Variants in MRPL37 observed in about 807,000 individuals in gnomAD.
MRPL37 encodes the protein mitochondrial ribosomal protein L37.
A neutral mutation model predicts 44.1 loss-of-function variants in MRPL37; 34 were observed. That is an observed-to-expected ratio of 0.77 (90% confidence interval 0.59 to 1.03). The LOEUF (loss-of-function observed/expected upper bound fraction) is 1.03, where lower values mean the gene tolerates loss of function less well. Ranked by LOEUF, MRPL37 falls within the 50% of genes least tolerant of loss-of-function variation. MRPL37 has a pLI of 0.00. For synonymous variants in MRPL37, 212 were observed against 219.5 expected (o/e 0.97, Z 0.30); for missense variants, 532 against 543.7 (o/e 0.98, Z 0.21).
chr1:54,205,535 C>A (rs17110097), intron 3 of MRPL37, 125 bp downstream of exon 3: 43 of 763,162 alleles, frequency 5.6e-5, no homozygotes, highest in Non-Finnish European at 9.1e-5. Flanking sequence ...TTCGTGGTCT[C>A]GTTTTGTAGG....
rs753438955 is a variant in MRPL37 at position 54,216,306 on chromosome 1, T to C, written c.1156T>C (p.Phe386Leu). The stretch of plus-strand genomic sequence containing the variant: ...CTCAGACCAGCTCCTCTATCAGCAT[T>C]TTTGGTGTCTCCCAGTGATCAAAAA... ...VDSDQLLYQH[F>L]WCLPVIKKRV... Residue 386 changes from phenylalanine to leucine, a missense_variant, in exon 6 of 7, where the codon TTT (phenylalanine) becomes CTT (leucine). Transcript: ENST00000360840. The C allele has an allele frequency of 6.2e-7, 1 of 1,614,066 alleles. No individual in the cohort carries two copies. The highest frequency in any genetic ancestry group is 1.1e-5 in the South Asian group (1 of 91,076).
At chr1:54,222,724 C>T (rs995381022), downstream of MRPL37, among the ~76,000 whole-genome samples, 7 of 152,164 alleles carry the variant, frequency 4.6e-5, no homozygotes, top group African/African-American at 1.7e-4. Flanking sequence ...TAAAGACCCT[C>T]TAAATGGCAA....
At chr1:54,215,314 T>G (rs770701526) in intron 5 of MRPL37, among the ~76,000 whole-genome samples, 1 of 152,164 alleles carries the variant, frequency 6.6e-6, no homozygotes, top group Non-Finnish European at 1.5e-5. Flanking sequence ...CCTTATCTGT[T>G]AGTGGGAATA....
downstream of MRPL37, among the ~76,000 whole-genome samples, chr1:54,219,590 GC>G (rs1318343720): frequency 3.9e-5 from 6 of 152,170 alleles, no homozygotes; most frequent in Non-Finnish European, 8.8e-5. Flanking sequence ...GGTACTCTGA[GC>G]CCTGCTGCCC....
Position 54,210,836 on chromosome 1 carries a change from C to A in MRPL37, c.832+705C>A, listed in dbSNP as rs553759162. ...TATTTTCTCTCTGGTCCATCTAGTT[C>A]ATAATTCCAGAGTAGCCTTTCCCCA... On this transcript the variant is annotated intron_variant, in intron 4 of 6. Coordinates refer to ENST00000360840, the MANE Select transcript of MRPL37 (RefSeq NM_016491.4). 2.0e-5 allele frequency among the ~76,000 whole-genome samples: 3 copies of A among 152,294 alleles called. No individual in the cohort carries two copies. In the South Asian group the frequency reaches 6.2e-4, roughly 32 times the overall value.
At chr1:54,203,467 C>CTTTTT (rs780467512) in intron 1 of MRPL37, among the ~76,000 whole-genome samples, 50 of 98,866 alleles carry the variant, frequency 5.1e-4, no homozygotes, top group Non-Finnish European at 7.7e-4. Flanking sequence ...ACTTCATTTA[C>CTTTTT]TTTTTTTTTT....
At chr1:54,213,320 C>T (rs1644177176) in intron 5 of MRPL37, among the ~76,000 whole-genome samples, 1 of 152,232 alleles carries the variant, frequency 6.6e-6, no homozygotes, top group South Asian at 2.1e-4. Flanking sequence ...GCCTGGGACA[C>T]CAGATCCCTG....
chr1:54,216,165 C>G lies in MRPL37; in HGVS notation c.1015C>G (p.Pro339Ala). The G allele has an allele frequency of 1.9e-6, 3 of 1,614,248 alleles. No homozygotes were observed. Among genetic ancestry groups the G allele is most frequent in the Non-Finnish European group, 2.5e-6 (3 of 1,180,046 alleles). Residue 339 changes from proline to alanine, a missense_variant, in exon 6 of 7, where the codon CCC becomes GCC. By Grantham distance (27) the Pro-to-Ala change is conservative. Coordinates refer to ENST00000360840, the MANE Select transcript of MRPL37 (RefSeq NM_016491.4). Reference protein sequence around the residue: ...YGNDAKVLEQPVVVQSVGTDG... With the variant: ...YGNDAKVLEQAVVVQSVGTDG... ...GAATGATGCCAAGGTCTTGGAGCAG[C>G]CCGTGGTGGTGCAGAGCGTGGGCAC... is the stretch of plus-strand genomic sequence containing the variant.
chr1:54,213,932 C>T (rs1239862487), intron 5 of MRPL37, among the ~76,000 whole-genome samples: 1 of 152,180 alleles, frequency 6.6e-6, no homozygotes, highest in Non-Finnish European at 1.5e-5. Context: ...CCTGTAATCC[C>T]AGCACTTTGG....
intron 3 of MRPL37, among the ~76,000 whole-genome samples, chr1:54,208,188 C>A (rs534389216): frequency 6.6e-6 from 1 of 152,272 alleles, no homozygotes; most frequent in Admixed American, 6.5e-5. Context: ...GTTTGACTGG[C>A]TAGGGTTTTC....
At chr1:54,210,398 T>A (rs1342570944) in intron 4 of MRPL37, among the ~76,000 whole-genome samples, 1 of 152,100 alleles carries the variant, frequency 6.6e-6, no homozygotes, top group Admixed American at 6.5e-5. Context: ...TACATCAGAG[T>A]GGCTTGAGGG....
At chr1:54,225,301 A>C (rs1381121960), downstream of MRPL37, 91 of 1,234,132 alleles carry the variant, frequency 7.4e-5, no homozygotes, top group Non-Finnish European at 8.7e-5. Flanking sequence ...CAGGAAAAGA[A>C]GGCAGACGCC....
chr1:54,225,353 G>A, downstream of MRPL37: 1 of 1,234,046 alleles, frequency 8.1e-7, no homozygotes, highest in Non-Finnish European at 1.0e-6. Context: ...AACAAAAACT[G>A]TGCCCAAGAA....
At chr1:54,203,467 CTTTTTTT>C (rs780467512) in intron 1 of MRPL37, among the ~76,000 whole-genome samples, 46 of 98,882 alleles carry the variant, frequency 4.7e-4, no homozygotes, top group South Asian at 6.3e-4. Context: ...ACTTCATTTA[CTTTTTTT>C]TTTTTTTTTT....
intron 5 of MRPL37, 117 bp from the exon 6 acceptor site, chr1:54,216,024 C>G (rs1644194395): frequency 1.9e-6 from 2 of 1,029,756 alleles, no homozygotes; most frequent in Admixed American, 1.9e-5. Flanking sequence ...CAAAGAGAAG[C>G]CATTCAGTGG....
Position 54,205,527 on chromosome 1 carries a change from C to T in MRPL37, c.646+117C>T, listed in dbSNP as rs186521649. ...AATACCGATCCTTACTCCCATCATT[C>T]GTGGTCTCGTTTTGTAGGCTCAGAC... On this transcript the variant is annotated intron_variant, in intron 3 of 6. Transcript: ENST00000360840. The T allele has an allele frequency of 1.9e-3, 1,574 of 814,488 alleles. 22 individuals carry two copies. In the African/African-American group the frequency reaches 0.02, roughly 11 times the overall value. 50.5% of individuals were successfully genotyped at this position (814,488 alleles called of 1,614,324 possible).
intron 6 of MRPL37, among the ~76,000 whole-genome samples, chr1:54,217,706 G>A (rs1644207817): frequency 6.6e-6 from 1 of 152,164 alleles, no homozygotes; most frequent in Admixed American, 6.5e-5. Context: ...TACTTCTGCA[G>A]TGGGGTCTGT....
chr1:54,225,294 G>C (rs1268882982), downstream of MRPL37: 2 of 1,234,244 alleles, frequency 1.6e-6, no homozygotes, highest in Non-Finnish European at 2.0e-6. Context: ...GCAGGCCCAG[G>C]AAAAGAAGGC....
downstream of MRPL37, among the ~76,000 whole-genome samples, chr1:54,218,949 A>G (rs35565872): frequency 0.14 from 20,643 of 152,298 alleles, 1,647 homozygotes; most frequent in Non-Finnish European, 0.19. Flanking sequence ...GAAAACACGG[A>G]TAATTTAAGG....
Sources: gnomAD v4.1 joint callset for allele counts (sites outside exome capture counted in the v4.1 genomes callset) on GRCh38, gnomAD v4.1.1 for gene constraint, MANE v1.5 for transcripts, NCBI Gene and HGNC (gene_info 2026-07-23, HGNC 2026-07-21) for gene names.